Variants in NBEA observed in about 807,000 individuals in gnomAD.
The protein encoded by NBEA is lysosomal-trafficking regulator 2.
Under a neutral mutation model 343.4 loss-of-function variants are expected in NBEA, and 44 were observed. That is an observed-to-expected ratio of 0.13 (90% confidence interval 0.10 to 0.16). The LOEUF (loss-of-function observed/expected upper bound fraction) is 0.16, where lower values mean the gene tolerates loss of function less well. Ranked by LOEUF, NBEA falls within the 10% of genes least tolerant of loss-of-function variation. NBEA has a pLI of 1.00. For synonymous variants in NBEA, 1,175 were observed against 1,238.7 expected (o/e 0.95, Z 1.08); for missense variants, 2,555 against 3,631.3 (o/e 0.70, Z 7.62).
At chr13:35,320,751 T>A (rs2038080064) in intron 36 of NBEA, among the ~76,000 whole-genome samples, 1 of 152,214 alleles carries the variant, frequency 6.6e-6, no homozygotes, top group Non-Finnish European at 1.5e-5. Context: ...GTAGGTTTGG[T>A]CTTTTCACAT....
intron 34 of NBEA, among the ~76,000 whole-genome samples, chr13:35,288,544 C>T (rs1200522041): frequency 6.6e-6 from 1 of 151,830 alleles, no homozygotes. Context: ...TTGAACAAAG[C>T]ATTAATGAAG....
intron 17 of NBEA, among the ~76,000 whole-genome samples, chr13:35,134,402 C>T (rs1437190533): frequency 1.4e-5 from 2 of 148,102 alleles, no homozygotes; most frequent in East Asian, 3.9e-4. Flanking sequence ...ATCAAATGAA[C>T]AAAGCAGACA....
At chr13:35,145,805 C>G (rs562601588) in intron 18 of NBEA, among the ~76,000 whole-genome samples, 6 of 152,122 alleles carry the variant, frequency 3.9e-5, no homozygotes, top group Non-Finnish European at 8.8e-5. Flanking sequence ...AAGGGAATTA[C>G]AGCCTCATTA....
chr13:35,354,844 T>C (rs1305571526), intron 38 of NBEA, among the ~76,000 whole-genome samples: 1 of 152,170 alleles, frequency 6.6e-6, no homozygotes, highest in African/African-American at 2.4e-5. Flanking sequence ...CAAGTCCAGA[T>C]CTCTCCCGTC....
intron 11 of NBEA, among the ~76,000 whole-genome samples, chr13:35,102,407 C>A (rs73498485): frequency 6.6e-6 from 1 of 151,402 alleles, no homozygotes; most frequent in African/African-American, 2.4e-5. Flanking sequence ...TTGGGTCTTT[C>A]CATTTCCATA....
intron 38 of NBEA, among the ~76,000 whole-genome samples, chr13:35,354,855 G>A (rs545558109): frequency 1.6e-4 from 25 of 152,104 alleles, no homozygotes; most frequent in Admixed American, 7.2e-4. Context: ...CTCTCCCGTC[G>A]CCAGGTCTGT....
At position 35,370,459 on chromosome 13, in the gene NBEA, T is replaced by C. The variant is rs9565225; in HGVS notation, c.6179+18136T>C. Among the ~76,000 whole-genome samples, 929 of 152,170 alleles carry C rather than the reference T, an allele frequency of 6.1e-3. 19 individuals carry two copies. In the East Asian group the frequency reaches 0.078, roughly 13 times the overall value. The stretch of plus-strand genomic sequence containing the variant: ...TGAGATGAGATTCCTGTAAGCAGCA[T>C]ATAGTTGAGTCATGTTTTTAAACCA... On this transcript the variant is annotated intron_variant, in intron 38 of 58. Transcript: ENST00000379939.
intron 38 of NBEA, among the ~76,000 whole-genome samples, chr13:35,421,766 G>A (rs768963011): frequency 3.3e-5 from 5 of 151,968 alleles, no homozygotes; most frequent in Non-Finnish European, 7.4e-5. Context: ...TGTTATTTCT[G>A]GAGGTCTCAT....
intron 17 of NBEA, among the ~76,000 whole-genome samples, chr13:35,125,281 G>A (rs1346312958): frequency 6.6e-6 from 1 of 152,116 alleles, no homozygotes; most frequent in Non-Finnish European, 1.5e-5. Context: ...AGCTGTTAAG[G>A]CTAAAGAGAA....
At chr13:35,200,381 T>A (rs1263392901) in intron 31 of NBEA, among the ~76,000 whole-genome samples, 3 of 137,808 alleles carry the variant, frequency 2.2e-5, no homozygotes, top group Non-Finnish European at 4.8e-5. Context: ...GTGTTTGGTA[T>A]ATATATATAT....
At chr13:35,578,069 G>A (rs1263458608) in intron 45 of NBEA, among the ~76,000 whole-genome samples, 2 of 152,108 alleles carry the variant, frequency 1.3e-5, no homozygotes, top group Admixed American at 6.5e-5. Flanking sequence ...AAGATAACAC[G>A]ATAACTTAGA....
At chr13:35,198,474 A>T (rs552875446) in intron 31 of NBEA, among the ~76,000 whole-genome samples, 2 of 152,168 alleles carry the variant, frequency 1.3e-5, no homozygotes, top group Non-Finnish European at 2.9e-5. Context: ...TTTTTTAATT[A>T]AAACTTTAAA....
chr13:35,350,234 A>C (rs966194712), intron 37 of NBEA, among the ~76,000 whole-genome samples: 1 of 152,172 alleles, frequency 6.6e-6, no homozygotes, highest in Admixed American at 6.6e-5. Flanking sequence ...TTTAAAATAG[A>C]TTTTCAAGTG....
intron 48 of NBEA, among the ~76,000 whole-genome samples, chr13:35,615,256 C>T (rs2082688712): frequency 6.7e-6 from 1 of 148,972 alleles, no homozygotes; most frequent in Admixed American, 6.7e-5. Context: ...CCATTGCACT[C>T]CAGCCTAGGT....
chr13:34,989,548 GAA>G (rs1379010318), intron 1 of NBEA, among the ~76,000 whole-genome samples: 1 of 150,714 alleles, frequency 6.6e-6, no homozygotes. Flanking sequence ...CCGCAAAGGG[GAA>G]GTCTGCCTCC....
At chr13:35,474,939 C>A in intron 41 of NBEA, 1 of 1,169,018 alleles carries the variant, frequency 8.6e-7, no homozygotes, top group Non-Finnish European at 1.2e-6. Context: ...TATTATTATT[C>A]CTTTTTAAAG....
intron 33 of NBEA, among the ~76,000 whole-genome samples, chr13:35,217,291 G>C (rs1025893569): frequency 2.6e-5 from 4 of 151,732 alleles, no homozygotes; most frequent in Admixed American, 6.6e-5. Flanking sequence ...TAGAAATTTA[G>C]TTTGCAAATA....
At chr13:35,667,612 A>ATTAAATAAACAATC in intron 57 of NBEA, 42 bp downstream of exon 57, 1 of 1,496,418 alleles carries the variant, frequency 6.7e-7, no homozygotes, top group Middle Eastern at 1.7e-4. Flanking sequence ...TGAAGCCAAG[A>ATTAAATAAACAATC]GATTAAAGAT....
chr13:34,962,262 CTA>C (rs765015434), intron 1 of NBEA, among the ~76,000 whole-genome samples: 3 of 151,980 alleles, frequency 2.0e-5, no homozygotes, highest in African/African-American at 4.8e-5. Flanking sequence ...CTTTTTCTCT[CTA>C]TGTGTGCATA....
Sources: allele counts gnomAD v4.1 joint callset (sites outside exome capture counted in the v4.1 genomes callset), GRCh38; gene constraint gnomAD v4.1.1; transcripts MANE v1.5; gene names NCBI Gene and HGNC (gene_info 2026-07-23, HGNC 2026-07-21).